Variants in DIAPH2 observed in about 807,000 individuals in gnomAD.
DIAPH2 encodes protein diaphanous homolog 2.
In DIAPH2, 35 loss-of-function variants were observed where a neutral mutation model predicts 92.7. The observed-to-expected ratio is 0.38, with a 90% CI of 0.29 to 0.50. The LOEUF is 0.50. Ranked by LOEUF, DIAPH2 falls within the 20% of genes least tolerant of loss-of-function variation. The pLI, the probability that DIAPH2 is intolerant of heterozygous loss-of-function variation, is 0.94. For missense variants in DIAPH2, 701 were observed against 819.5 expected, an observed-to-expected ratio of 0.86 and a Z score of 1.77; for synonymous variants, 301 against 280.4, an observed-to-expected ratio of 1.07 and a Z score of -0.73.
chrX:96,685,251 C>T, intron 1 of DIAPH2, 61 bp downstream of exon 1: 1 of 964,395 alleles, frequency 1.0e-6, no homozygotes, highest in South Asian at 5.4e-5. Flanking sequence ...GATCCTCCTG[C>T]CATTGAACAC....
At chrX:97,020,109 CT>C (rs1315542606) in intron 17 of DIAPH2, among the ~76,000 whole-genome samples, 1 of 112,707 alleles carries the variant, frequency 8.9e-6, no homozygotes, top group Non-Finnish European at 1.9e-5. Flanking sequence ...CCATTCACTT[CT>C]CTGTTCAGGT....
chrX:97,110,929 G>A (rs2066975428), intron 20 of DIAPH2, among the ~76,000 whole-genome samples: 1 of 109,754 alleles, frequency 9.1e-6, no homozygotes, highest in Non-Finnish European at 1.9e-5. Flanking sequence ...GTTGCAGTGA[G>A]CCAGGATTGT....
At chrX:97,133,670 A>G (rs1283486559) in intron 21 of DIAPH2, among the ~76,000 whole-genome samples, 1 of 112,191 alleles carries the variant, frequency 8.9e-6, no homozygotes, top group Non-Finnish European at 1.9e-5. Context: ...CTTTGTTCCT[A>G]TATAATGTAT....
At chrX:97,534,046 T>C (rs1334648460) in intron 26 of DIAPH2, among the ~76,000 whole-genome samples, 3 of 111,181 alleles carry the variant, frequency 2.7e-5, no homozygotes, top group African/African-American at 9.8e-5. Flanking sequence ...AGTCAGTATA[T>C]ATGCTCTGCA....
At chrX:97,587,317 A>G (rs1281810704) in intron 26 of DIAPH2, among the ~76,000 whole-genome samples, 1 of 111,021 alleles carries the variant, frequency 9.0e-6, no homozygotes, top group Non-Finnish European at 1.9e-5. Context: ...TGCTAGATGC[A>G]TCATTCAAGC....
intron 26 of DIAPH2, among the ~76,000 whole-genome samples, chrX:97,503,489 G>A (rs775673929): frequency 1.8e-5 from 2 of 111,929 alleles, no homozygotes; most frequent in Non-Finnish European, 3.8e-5. Context: ...CCCAGAGAGG[G>A]TGAAGGGATT....
intron 24 of DIAPH2, among the ~76,000 whole-genome samples, chrX:97,350,898 T>C (rs907984811): frequency 2.7e-5 from 3 of 112,380 alleles, no homozygotes; most frequent in African/African-American, 9.7e-5. Flanking sequence ...TGAATGTAAA[T>C]AATTTGATAT....
chrX:96,935,251 A>G (rs1052494026), intron 10 of DIAPH2, among the ~76,000 whole-genome samples: 3 of 111,505 alleles, frequency 2.7e-5, no homozygotes. Context: ...CTATGTAAAA[A>G]TTTTTATTCA....
At chrX:96,719,030 T>C (rs1381175774) in intron 1 of DIAPH2, among the ~76,000 whole-genome samples, 1 of 112,245 alleles carries the variant, frequency 8.9e-6, no homozygotes, top group South Asian at 3.7e-4. Context: ...CCGTGATCAA[T>C]GATGTTAAGC....
chrX:97,408,234 G>A (rs994136019), intron 25 of DIAPH2, among the ~76,000 whole-genome samples: 2 of 111,375 alleles, frequency 1.8e-5, no homozygotes, highest in Non-Finnish European at 3.8e-5. Flanking sequence ...TAGAAAATTT[G>A]AAATTGGGAA....
At chrX:96,833,736 C>T (rs745471961) in intron 4 of DIAPH2, among the ~76,000 whole-genome samples, 2 of 110,805 alleles carry the variant, frequency 1.8e-5, no homozygotes, top group Admixed American at 9.7e-5. Flanking sequence ...TCTCGGCTCA[C>T]GGTAACCTCT....
intron 25 of DIAPH2, among the ~76,000 whole-genome samples, chrX:97,402,042 A>T (rs1370029807): frequency 8.9e-6 from 1 of 112,652 alleles, no homozygotes; most frequent in Non-Finnish European, 1.9e-5. Flanking sequence ...GTTCTCAGTG[A>T]CAAAGTGGGA....
chrX:97,402,753 G>C (rs185569887), intron 25 of DIAPH2, among the ~76,000 whole-genome samples: 76 of 112,256 alleles, frequency 6.8e-4, no homozygotes, highest in African/African-American at 2.2e-3. Context: ...GCCTCTAACG[G>C]AAGTGACTTA....
intron 4 of DIAPH2, among the ~76,000 whole-genome samples, chrX:96,783,584 A>G (rs1194359352): frequency 8.9e-6 from 1 of 112,396 alleles, no homozygotes; most frequent in Non-Finnish European, 1.9e-5. Context: ...TCAGCAGGTC[A>G]AGGAGTAACC....
At chrX:97,443,554 G>A (rs1396692409) in intron 26 of DIAPH2, among the ~76,000 whole-genome samples, 1 of 111,680 alleles carries the variant, frequency 9.0e-6, no homozygotes, top group Non-Finnish European at 1.9e-5. Context: ...TCTGAAGTTT[G>A]AAATTTGAGG....
At chrX:96,773,244 C>CCGCCAA (rs1292708725) in intron 4 of DIAPH2, among the ~76,000 whole-genome samples, 2 of 86,473 alleles carry the variant, frequency 2.3e-5, no homozygotes, top group African/African-American at 8.1e-5. Flanking sequence ...GTTTCCCCCC[C>CCGCCAA]CCTCCCGCCC....
At chrX:97,137,270 C>CATATATATATATATATATATATACAT (rs2067177374) in intron 21 of DIAPH2, among the ~76,000 whole-genome samples, 1 of 68,264 alleles carries the variant, frequency 1.5e-5, no homozygotes, top group African/African-American at 6.3e-5. Flanking sequence ...CGCAGTTATA[C>CATATATATATATATATATATATACAT]ATATATATAT....
chrX:96,919,018 G>A (rs937875701), intron 9 of DIAPH2, among the ~76,000 whole-genome samples: 4 of 111,736 alleles, frequency 3.6e-5, no homozygotes, highest in African/African-American at 1.3e-4. Flanking sequence ...AATATTCAAA[G>A]GTGTGACTCA....
chrX:97,370,077 T>C (rs780734879), intron 24 of DIAPH2, among the ~76,000 whole-genome samples: 41 of 111,850 alleles, frequency 3.7e-4, no homozygotes, highest in Non-Finnish European at 7.0e-4. Flanking sequence ...ATGCTTATTA[T>C]TGATTCCCCA....
Sources: allele counts gnomAD v4.1 joint callset (sites outside exome capture counted in the v4.1 genomes callset), GRCh38; gene constraint gnomAD v4.1.1; transcripts MANE v1.5; gene names NCBI Gene and HGNC (gene_info 2026-07-23, HGNC 2026-07-21).